Variants in NDUFS1 observed in about 807,000 individuals in gnomAD.
NDUFS1 encodes the protein NADH-ubiquinone oxidoreductase 75 kDa subunit, mitochondrial.
A neutral mutation model predicts 84.4 loss-of-function variants in NDUFS1; 61 were observed. The observed-to-expected ratio is 0.72, with a 90% CI of 0.59 to 0.89. NDUFS1 has a LOEUF of 0.89. Among genes scored for constraint, NDUFS1 ranks in the 40% least tolerant of loss-of-function variants. The pLI is 0.00. For synonymous variants in NDUFS1, 275 were observed against 290.0 expected (o/e 0.95, Z 0.53); for missense variants, 891 against 890.0 (o/e 1.00, Z -0.01).
chr2:206,133,734 T>G (rs1347472070), intron 13 of NDUFS1, among the ~76,000 whole-genome samples: 1 of 152,156 alleles, frequency 6.6e-6, no homozygotes, highest in Non-Finnish European at 1.5e-5. Context: ...TCCCAACACT[T>G]TGGGAGGCTG....
At chr2:206,140,358 G>A (rs1691888915) in intron 12 of NDUFS1, among the ~76,000 whole-genome samples, 1 of 152,064 alleles carries the variant, frequency 6.6e-6, no homozygotes, top group African/African-American at 2.4e-5. Context: ...ACAAAAACTA[G>A]CTGGACGTGG....
At chr2:206,140,935 T>TACACACACACAC (rs1229955980) in intron 12 of NDUFS1, among the ~76,000 whole-genome samples, 1 of 61,810 alleles carries the variant, frequency 1.6e-5, no homozygotes, top group African/African-American at 1.1e-4. Flanking sequence ...TATATATATA[T>TACACACACACAC]ATATATATAC....
intron 11 of NDUFS1, 46 bp from the exon 12 acceptor site, chr2:206,142,115 C>T: frequency 6.7e-7 from 1 of 1,495,526 alleles, no homozygotes; most frequent in Non-Finnish European, 9.3e-7. Flanking sequence ...AAAATTAAGA[C>T]ATACAGAGAA....
Position 206,118,274 on chromosome 2 carries a change from A to C in NDUFS1, c.*5911T>G, listed in dbSNP as rs1691004308. Reference sequence around the variant, plus strand: ...CATCCTTGTCCCTTGGGATAAATTAAATCAGCAAACTAAAGTGCTATGTAA... The same window carrying C: ...CATCCTTGTCCCTTGGGATAAATTACATCAGCAAACTAAAGTGCTATGTAA... On this transcript the variant is annotated 3_prime_UTR_variant, in exon 19 of 19. Transcript: ENST00000233190. 2 of 152,204 alleles carry C rather than the reference A, an allele frequency of 1.3e-5. No individual in the cohort carries two copies. Among genetic ancestry groups the C allele is most frequent in the Admixed American group, 1.3e-4 (2 of 15,266 alleles). 9.4% of individuals were successfully genotyped at this position (152,204 alleles called of 1,614,324 possible).
chr2:206,142,893 T>G, intron 10 of NDUFS1, 62 bp from the exon 11 acceptor site: 2 of 1,592,448 alleles, frequency 1.3e-6, no homozygotes, highest in South Asian at 1.1e-5. Context: ...CACAATGAAA[T>G]GTTCAGAAAA....
chr2:206,139,882 A>AG (rs1300852404), intron 12 of NDUFS1, among the ~76,000 whole-genome samples: 3,716 of 151,222 alleles, frequency 0.025, 165 homozygotes, highest in African/African-American at 0.086. Flanking sequence ...AAAAAAAAAA[A>AG]AAAAAAAAAG....
chr2:206,117,406 C>T lies in NDUFS1; in HGVS notation c.*6779G>A, dbSNP rs1390458375. On this transcript the variant is annotated 3_prime_UTR_variant, in exon 19 of 19. Transcript: ENST00000233190. Reference sequence around the variant, plus strand: ...TCTCTTTGTAGTCTTGGGTAATGTACTTGACACACAGTAGATACTCTGCAA... The same window carrying T: ...TCTCTTTGTAGTCTTGGGTAATGTATTTGACACACAGTAGATACTCTGCAA... 2 of 152,212 alleles carry T rather than the reference C, an allele frequency of 1.3e-5. No individual in the cohort carries two copies. Among genetic ancestry groups the T allele is most frequent in the Admixed American group, 1.3e-4 (2 of 15,278 alleles). 9.4% of individuals were successfully genotyped at this position (152,212 alleles called of 1,614,324 possible). A position where few individuals can be genotyped will look rare whatever the true frequency, so the allele number is the denominator to read the frequency against.
rs1691133523 is a variant in NDUFS1, at chr2:206,122,633, A to AAAAAAAAAAAC, written c.*1551_*1552insGTTTTTTTTTT. ...TGACAGAGTAAGACTCCATCTCAAAAAAAAAAAAAAAACAAAGGGAAAAAG... is the reference window on the plus strand; with the variant it reads ...TGACAGAGTAAGACTCCATCTCAAAAAAAAAAAAAACAAAAAAAAAAAACAAAGGGAAAAAG... On this transcript the variant is annotated 3_prime_UTR_variant, in exon 19 of 19. Coordinates refer to ENST00000233190, the MANE Select transcript of NDUFS1 (RefSeq NM_005006.7). The AAAAAAAAAAAC allele has an allele frequency of 6.6e-6, 1 of 151,332 alleles. No individual in the cohort carries two copies. Among genetic ancestry groups the AAAAAAAAAAAC allele is most frequent in the African/African-American group, 2.4e-5 (1 of 41,104 alleles). The allele number at this position is 151,332 out of a possible 1,614,324, so 9.4% of individuals were successfully genotyped here.
At chr2:206,128,925 C>A (rs537024882) in intron 15 of NDUFS1, among the ~76,000 whole-genome samples, 1 of 151,414 alleles carries the variant, frequency 6.6e-6, no homozygotes, top group Admixed American at 6.6e-5. Flanking sequence ...CTCAGATGTA[C>A]CAGTTTGTGA....
At chr2:206,134,111 A>G (rs1467157471) in intron 13 of NDUFS1, among the ~76,000 whole-genome samples, 1 of 152,240 alleles carries the variant, frequency 6.6e-6, no homozygotes, top group Non-Finnish European at 1.5e-5. Context: ...CTGATATATT[A>G]TAAAGAGGAA....
intron 1 of NDUFS1, among the ~76,000 whole-genome samples, chr2:206,156,384 G>A (rs1329496111): frequency 6.6e-6 from 1 of 150,890 alleles, no homozygotes; most frequent in African/African-American, 2.4e-5. Context: ...GCCAGCCTGG[G>A]CAACACAGCA....
intron 13 of NDUFS1, among the ~76,000 whole-genome samples, chr2:206,137,484 G>GAAAAAA (rs1258518363): frequency 1.3e-5 from 2 of 149,466 alleles, no homozygotes; most frequent in Non-Finnish European, 3.0e-5. Flanking sequence ...CAAGGAAAAA[G>GAAAAAA]AAAAAAAAAG....
intron 12 of NDUFS1, among the ~76,000 whole-genome samples, chr2:206,140,943 T>TATATATATATATATATACACACAC (rs367723817): frequency 2.2e-5 from 3 of 136,110 alleles, no homozygotes; most frequent in Admixed American, 7.7e-5. Flanking sequence ...TATATATATA[T>TATATATATATATATATACACACAC]ACACACACAC....
intron 1 of NDUFS1, chr2:206,159,080 T>C (rs1687801651): frequency 6.5e-7 from 1 of 1,535,476 alleles, no homozygotes; most frequent in African/African-American, 1.4e-5. Context: ...AGAGGGAAGG[T>C]CACCTGCAAG....
Position 206,139,131 on chromosome 2 carries a change from A to T in NDUFS1, c.1263-517T>A, listed in dbSNP as rs532708095. On this transcript the variant is annotated intron_variant, in intron 12 of 18. Transcript: ENST00000233190. Reference sequence around the variant, plus strand: ...AACTCCACCTCAAAATAAAAAATTTAAAAAAAAAAAAAAGAAAGAAATGCT... The same window carrying T: ...AACTCCACCTCAAAATAAAAAATTTTAAAAAAAAAAAAAGAAAGAAATGCT... Among the ~76,000 whole-genome samples, 1,022 of 137,194 alleles carry T rather than the reference A, an allele frequency of 7.4e-3. 6 individuals carry two copies. The highest frequency in any genetic ancestry group is 0.037 in the South Asian group (166 of 4,546). The allele number at this position is 137,194 out of a possible 152,430, so 90.0% of individuals were successfully genotyped here.
chr2:206,130,995 A>G (rs1000507583), intron 14 of NDUFS1, among the ~76,000 whole-genome samples: 6 of 152,126 alleles, frequency 3.9e-5, no homozygotes, highest in African/African-American at 1.4e-4. Flanking sequence ...CCTTATAGAA[A>G]TTTTTTCTAC....
chr2:206,122,637 A>AAAAAAAAAAAC lies in NDUFS1; in HGVS notation c.*1547_*1548insGTTTTTTTTTT, dbSNP rs1401434343. ...AGAGTAAGACTCCATCTCAAAAAAA[A>AAAAAAAAAAAC]AAAAAAAACAAAGGGAAAAAGGGCA... On this transcript the variant is annotated 3_prime_UTR_variant, in exon 19 of 19. Transcript: ENST00000233190. 4 of 151,540 alleles carry AAAAAAAAAAAC rather than the reference A, an allele frequency of 2.6e-5. No homozygotes were observed. The highest frequency in any genetic ancestry group is 2.0e-4 in the Admixed American group (3 of 15,168). 9.4% of individuals were successfully genotyped at this position (151,540 alleles called of 1,614,324 possible).
Position 206,124,088 on chromosome 2 carries a change from A to G in NDUFS1, c.*97T>C. On this transcript the variant is annotated 3_prime_UTR_variant, in exon 19 of 19. Coordinates refer to ENST00000233190, the MANE Select transcript of NDUFS1 (RefSeq NM_005006.7). ...TAAATATTACATGATTCAAATTATT[A>G]TTATTTTTTTTTACAAAGAAATAAA... 1.3e-6 allele frequency: 1 copy of G among 799,994 alleles called. No homozygotes were observed. Among genetic ancestry groups the G allele is most frequent in the Non-Finnish European group, 2.1e-6 (1 of 471,596 alleles). The allele number at this position is 799,994 out of a possible 1,614,324, so 49.6% of individuals were successfully genotyped here.
chr2:206,138,629 A>G lies in NDUFS1; in HGVS notation c.1263-15T>C, dbSNP rs1243449728. 19 of 1,613,336 alleles carry G rather than the reference A, an allele frequency of 1.2e-5. No individual in the cohort carries two copies. The highest frequency in any genetic ancestry group is 1.7e-4 in the Middle Eastern group (1 of 6,036). On this transcript the variant is annotated splice_polypyrimidine_tract_variant and intron_variant, in intron 12 of 18. Coordinates refer to ENST00000233190, the MANE Select transcript of NDUFS1 (RefSeq NM_005006.7). ...TATGCAGCCAGCTGAAATAAAAACA[A>G]CATTTTAAGAAGTAAATAACTAAGC...
Sources: gnomAD v4.1 joint callset for allele counts (sites outside exome capture counted in the v4.1 genomes callset) on GRCh38, gnomAD v4.1.1 for gene constraint, MANE v1.5 for transcripts, NCBI Gene and HGNC (gene_info 2026-07-23, HGNC 2026-07-21) for gene names.